CNTN4: variants seen among roughly 807,000 people sequenced by gnomAD.
CNTN4 encodes the protein contactin 4.
A neutral mutation model predicts 122.5 loss-of-function variants in CNTN4; 77 were observed. The ratio of observed to expected loss-of-function variants is 0.63; its 90% CI spans 0.52 to 0.76. The LOEUF is 0.76. CNTN4 is among the 30% of genes least tolerant of loss of function. The pLI, the probability that CNTN4 is intolerant of heterozygous loss-of-function variation, is 0.00. For missense variants in CNTN4, 1,256 were observed against 1,259.1 expected (o/e 1.00, Z 0.04); for synonymous variants, 512 against 447.0 (o/e 1.15, Z -1.83).
chr3:2,550,484 G>A (rs540084931), intron 3 of CNTN4, among the ~76,000 whole-genome samples: 50 of 152,260 alleles, frequency 3.3e-4, no homozygotes, highest in East Asian at 1.5e-3. Context: ...AAATAGGAAT[G>A]CTTTTACACT....
intron 2 of CNTN4, among the ~76,000 whole-genome samples, chr3:2,126,784 T>C (rs1458252219): frequency 6.6e-6 from 1 of 152,176 alleles, no homozygotes; most frequent in Admixed American, 6.5e-5. Context: ...GTGCAAGCAA[T>C]AGAGACCTAT....
At chr3:2,563,569 T>C (rs996595354) in intron 3 of CNTN4, among the ~76,000 whole-genome samples, 1 of 152,198 alleles carries the variant, frequency 6.6e-6, no homozygotes, top group African/African-American at 2.4e-5. Flanking sequence ...TACCCTTTTA[T>C]GTTGCTGATT....
rs138639244 is a variant in CNTN4, at chr3:2,657,924, C to T, written c.56-78291C>T. Among the ~76,000 whole-genome samples, 318 of 151,056 alleles carry T rather than the reference C, an allele frequency of 2.1e-3. 1 individual carries two copies. Among genetic ancestry groups the T allele is most frequent in the African/African-American group, 7.2e-3 (296 of 41,060 alleles). On this transcript the variant is annotated intron_variant, in intron 4 of 24. Coordinates refer to ENST00000418658, the MANE Select transcript of CNTN4 (RefSeq NM_175607.3). Reference sequence around the variant, plus strand: ...GACAGATAACACTGACAAATTATTCCGGCTTGTTCTGACACCTGAATAGAA... The same window carrying T: ...GACAGATAACACTGACAAATTATTCTGGCTTGTTCTGACACCTGAATAGAA...
At chr3:2,393,828 C>T (rs990345466) in intron 3 of CNTN4, among the ~76,000 whole-genome samples, 3 of 151,806 alleles carry the variant, frequency 2.0e-5, no homozygotes, top group Non-Finnish European at 4.4e-5. Context: ...ACTGAGATAA[C>T]CTTTAGACAG....
Position 2,954,980 on chromosome 3 carries a change from C to T in CNTN4, c.1358+29201C>T, listed in dbSNP as rs112297836. Among the ~76,000 whole-genome samples the T allele has an allele frequency of 9.9e-3, 1,512 of 152,254 alleles. 23 individuals are homozygous for T. Among genetic ancestry groups the T allele is most frequent in the African/African-American group, 0.035 (1,455 of 41,544 alleles). On this transcript the variant is annotated intron_variant, in intron 13 of 24. Transcript: ENST00000418658. The stretch of plus-strand genomic sequence containing the variant: ...GCCCCCTGCCCCGCACCACCCCAAT[C>T]ACCTAGAATATTTTGAAGGAAGAAA...
At chr3:2,961,250 AGG>A (rs2094855952) in intron 13 of CNTN4, among the ~76,000 whole-genome samples, 2 of 146,502 alleles carry the variant, frequency 1.4e-5, no homozygotes, top group Non-Finnish European at 3.0e-5. Flanking sequence ...AAAAAAAAAA[AGG>A]CCTACTGAAT....
At position 2,705,207 on chromosome 3, in the gene CNTN4, A is replaced by G. The variant is rs575552122; in HGVS notation, c.56-31008A>G. 2.7e-5 allele frequency among the ~76,000 whole-genome samples: 4 copies of G among 150,640 alleles called. No individual in the cohort carries two copies. The East Asian group carries it at 7.9e-4, about 30-fold the overall frequency. ...CATGGTGAAACCCCGTCTCTACTAA[A>G]ACTACAAAAAATTAGCTGGGCGTAG... On this transcript the variant is annotated intron_variant, in intron 4 of 24. Transcript: ENST00000418658.
intron 2 of CNTN4, among the ~76,000 whole-genome samples, chr3:2,119,069 A>C (rs963063624): frequency 2.6e-5 from 4 of 152,244 alleles, no homozygotes; most frequent in Admixed American, 1.3e-4. Flanking sequence ...TGGACTTTGA[A>C]TAAAGCAGAT....
rs138122447 is a variant in CNTN4 at position 2,666,147 on chromosome 3, T to G, written c.56-70068T>G. On this transcript the variant is annotated intron_variant, in intron 4 of 24. Coordinates refer to ENST00000418658, the MANE Select transcript of CNTN4 (RefSeq NM_175607.3). Reference sequence around the variant, plus strand: ...AATTCATTTGACTTTATTTTATGACTTTTCCTAGAAGAGACATAACAATGA... The same window carrying G: ...AATTCATTTGACTTTATTTTATGACGTTTCCTAGAAGAGACATAACAATGA... Among the ~76,000 whole-genome samples, 207 of 152,332 alleles carry G rather than the reference T, an allele frequency of 1.4e-3. 1 individual carries two copies. Among genetic ancestry groups the G allele is most frequent in the African/African-American group, 4.7e-3 (197 of 41,584 alleles).
chr3:2,177,578 G>A (rs1191191053), intron 2 of CNTN4, among the ~76,000 whole-genome samples: 5 of 151,534 alleles, frequency 3.3e-5, no homozygotes, highest in African/African-American at 7.3e-5. Flanking sequence ...CTTGTGTTTG[G>A]CTACTTAGGT....
chr3:2,345,363 T>A (rs971700162), intron 3 of CNTN4, among the ~76,000 whole-genome samples: 6 of 152,216 alleles, frequency 3.9e-5, no homozygotes, highest in Non-Finnish European at 8.8e-5. Flanking sequence ...ATAATTGTGT[T>A]ATTCTGTGAA....
chr3:2,576,003 T>A (rs907297592), intron 4 of CNTN4, among the ~76,000 whole-genome samples: 2 of 151,520 alleles, frequency 1.3e-5, no homozygotes, highest in African/African-American at 4.8e-5. Flanking sequence ...CCTGGCTAAT[T>A]TTTTTGTATT....
chr3:2,632,681 T>G (rs1559328647), intron 4 of CNTN4, among the ~76,000 whole-genome samples: 1 of 152,144 alleles, frequency 6.6e-6, no homozygotes, highest in South Asian at 2.1e-4. Context: ...CAAATAGAGA[T>G]AAAGACCTCA....
chr3:2,771,965 A>C (rs1202769715), intron 6 of CNTN4, among the ~76,000 whole-genome samples: 1 of 152,178 alleles, frequency 6.6e-6, no homozygotes, highest in African/African-American at 2.4e-5. Context: ...GCAAAGCCTG[A>C]ATCTTCATGG....
chr3:2,674,835 A>C (rs553034518), intron 4 of CNTN4, among the ~76,000 whole-genome samples: 1 of 151,834 alleles, frequency 6.6e-6, no homozygotes, highest in Non-Finnish European at 1.5e-5. Context: ...TATTCGTCTT[A>C]TGTAGCTGTG....
chr3:2,499,940 C>A (rs571986780), intron 3 of CNTN4, among the ~76,000 whole-genome samples: 2 of 151,954 alleles, frequency 1.3e-5, no homozygotes, highest in East Asian at 3.9e-4. Context: ...ATATGCAGAT[C>A]CCATGCAAGT....
intron 6 of CNTN4, among the ~76,000 whole-genome samples, chr3:2,778,188 TG>T (rs2091420494): frequency 8.1e-6 from 1 of 124,192 alleles, no homozygotes; most frequent in Non-Finnish European, 1.7e-5. Flanking sequence ...CACTCCAGCC[TG>T]GGCGACAGAG....
intron 13 of CNTN4, among the ~76,000 whole-genome samples, chr3:2,958,161 C>T (rs2094818939): frequency 6.6e-6 from 1 of 152,122 alleles, no homozygotes; most frequent in Admixed American, 6.6e-5. Flanking sequence ...AGAAAATCTC[C>T]ATGCTTCCCA....
chr3:2,468,290 A>C (rs992693215), intron 3 of CNTN4, among the ~76,000 whole-genome samples: 1 of 152,168 alleles, frequency 6.6e-6, no homozygotes, highest in Admixed American at 6.5e-5. Context: ...GATTTTCAGG[A>C]ATTTCCTCGA....
Sources: allele counts gnomAD v4.1 joint callset (sites outside exome capture counted in the v4.1 genomes callset), GRCh38; gene constraint gnomAD v4.1.1; transcripts MANE v1.5; gene names NCBI Gene and HGNC (gene_info 2026-07-23, HGNC 2026-07-21).